Variants in PRKCH observed in about 807,000 individuals in gnomAD.
The protein encoded by PRKCH is protein kinase C eta type.
A neutral mutation model predicts 82.5 loss-of-function variants in PRKCH; 28 were observed. The ratio of observed to expected loss-of-function variants is 0.34; its 90% CI spans 0.25 to 0.47. The LOEUF is 0.47. PRKCH is among the 20% of genes least tolerant of loss of function. The probability of loss-of-function intolerance (pLI) is 1.00; values close to 1 mark genes in which losing one functional copy is unlikely to be tolerated. For synonymous variants in PRKCH, 322 were observed against 327.4 expected (o/e 0.98, Z 0.18); for missense variants, 705 against 881.8 (o/e 0.80, Z 2.54).
intron 12 of PRKCH, among the ~76,000 whole-genome samples, chr14:61,535,063 T>C (rs557548768): frequency 6.6e-6 from 1 of 152,324 alleles, no homozygotes; most frequent in East Asian, 1.9e-4. Flanking sequence ...AATTGTATTT[T>C]TGTTTTTCCA....
intron 9 of PRKCH, among the ~76,000 whole-genome samples, chr14:61,471,903 G>C (rs1239129782): frequency 6.6e-6 from 1 of 152,126 alleles, no homozygotes; most frequent in Non-Finnish European, 1.5e-5. Flanking sequence ...AGTCAAATGG[G>C]TTAGACGATC....
intron 10 of PRKCH, among the ~76,000 whole-genome samples, chr14:61,506,395 T>C (rs1303504920): frequency 1.3e-5 from 2 of 152,064 alleles, no homozygotes; most frequent in African/African-American, 4.8e-5. Flanking sequence ...CAGCTCTGAT[T>C]GAAGTCAGGG....
chr14:61,310,105 G>A (rs966569406), intron 1 of PRKCH, among the ~76,000 whole-genome samples: 2 of 152,086 alleles, frequency 1.3e-5, no homozygotes, highest in African/African-American at 2.4e-5. Flanking sequence ...GATGAGATTC[G>A]GGTGGGGCAC....
chr14:61,416,919 G>T (rs1882590427), intron 2 of PRKCH, among the ~76,000 whole-genome samples: 1 of 152,200 alleles, frequency 6.6e-6, no homozygotes, highest in Non-Finnish European at 1.5e-5. Flanking sequence ...CTTATGGGAG[G>T]AGGCTCTCAG....
intron 2 of PRKCH, among the ~76,000 whole-genome samples, chr14:61,435,500 C>G (rs923592885): frequency 2.6e-5 from 4 of 151,960 alleles, no homozygotes; most frequent in Non-Finnish European, 5.9e-5. Flanking sequence ...CTTGGGGATA[C>G]CTTGAAGAGA....
At chr14:61,268,886 G>A (rs1390115327) in intron 1 of PRKCH, among the ~76,000 whole-genome samples, 3 of 152,186 alleles carry the variant, frequency 2.0e-5, no homozygotes, top group Middle Eastern at 3.2e-3. Flanking sequence ...ACTATTGTAA[G>A]TGTATCAGTC....
chr14:61,425,867 C>A (rs1883077681), intron 2 of PRKCH, among the ~76,000 whole-genome samples: 1 of 152,142 alleles, frequency 6.6e-6, no homozygotes, highest in Non-Finnish European at 1.5e-5. Flanking sequence ...TTCGTCCATG[C>A]TGTTCTTGTG....
At chr14:61,505,504 TA>T (rs1169833345) in intron 10 of PRKCH, among the ~76,000 whole-genome samples, 3 of 139,962 alleles carry the variant, frequency 2.1e-5, no homozygotes, top group Non-Finnish European at 4.5e-5. Context: ...GCCTCCTGAG[TA>T]GCTGGGATTA....
chr14:61,549,944 C>A lies in PRKCH; in HGVS notation c.*113C>A, dbSNP rs570053967. 2.7e-5 allele frequency: 32 copies of A among 1,177,712 alleles called. 1 individual carries two copies. The South Asian group carries it at 4.3e-4, about 16-fold the overall frequency. The allele number at this position is 1,177,712 out of a possible 1,614,324, so 73.0% of individuals were successfully genotyped here. On this transcript the variant is annotated 3_prime_UTR_variant, in exon 14 of 14. Coordinates refer to ENST00000332981, the MANE Select transcript of PRKCH (RefSeq NM_006255.5). ...AGCCTTAGAACAAGAACCTTACCTT[C>A]AAGGAGCAAGTGAAGAACTCTGTGA...
chr14:61,439,335 A>C (rs1041100068), intron 2 of PRKCH, among the ~76,000 whole-genome samples: 1 of 152,112 alleles, frequency 6.6e-6, no homozygotes, highest in Non-Finnish European at 1.5e-5. Context: ...TCATGGCAGC[A>C]GTCTAGAACA....
At position 61,482,840 on chromosome 14, in the gene PRKCH, A is replaced by G. The variant is rs1016059179; in HGVS notation, c.1279-2662A>G. On this transcript the variant is annotated intron_variant, in intron 9 of 13. Coordinates refer to ENST00000332981, the MANE Select transcript of PRKCH (RefSeq NM_006255.5). ...GGCTAAAGCAAGACTAGAGGGCAGG[A>G]TTTTCTCCCCCCAGATCTGGAATTT... Among the ~76,000 whole-genome samples, 4 of 152,046 alleles carry G rather than the reference A, an allele frequency of 2.6e-5. No homozygotes were observed. In the East Asian group the frequency reaches 7.7e-4, roughly 29 times the overall value.
chr14:61,320,769 G>T (rs1025191822), upstream of PRKCH, among the ~76,000 whole-genome samples: 1 of 152,222 alleles, frequency 6.6e-6, no homozygotes, highest in Admixed American at 6.5e-5. Flanking sequence ...TCAGAAGGCT[G>T]CCCACTCTGA....
chr14:61,333,224 G>A (rs549635816), intron 1 of PRKCH, among the ~76,000 whole-genome samples: 4 of 152,228 alleles, frequency 2.6e-5, no homozygotes, highest in Non-Finnish European at 5.9e-5. Flanking sequence ...AACTGTTGTC[G>A]AGCCCTAGAC....
chr14:61,436,760 G>A (rs373757907), intron 2 of PRKCH, among the ~76,000 whole-genome samples: 2 of 152,192 alleles, frequency 1.3e-5, no homozygotes, highest in Admixed American at 6.5e-5. Context: ...TTGAACTCCT[G>A]ACCTCAGGTC....
At chr14:61,252,249 C>T (rs2140073748) in intron 1 of PRKCH, among the ~76,000 whole-genome samples, 1 of 152,298 alleles carries the variant, frequency 6.6e-6, no homozygotes, top group Non-Finnish European at 1.5e-5. Context: ...CAGAACTTGG[C>T]CGTGGGGCAG....
intron 12 of PRKCH, among the ~76,000 whole-genome samples, chr14:61,535,643 T>C (rs2043098473): frequency 6.6e-6 from 1 of 152,058 alleles, no homozygotes; most frequent in South Asian, 2.1e-4. Context: ...CGCGAAGGAG[T>C]CTACACTTTA....
At chr14:61,286,574 C>G (rs993595506) in intron 1 of PRKCH, among the ~76,000 whole-genome samples, 9 of 146,094 alleles carry the variant, frequency 6.2e-5, no homozygotes, top group African/African-American at 2.3e-4. Flanking sequence ...GTCGGGAGTT[C>G]GAGATCAGTC....
intron 4 of PRKCH, among the ~76,000 whole-genome samples, chr14:61,447,937 T>C (rs1018515446): frequency 6.6e-6 from 1 of 151,830 alleles, no homozygotes; most frequent in African/African-American, 2.4e-5. Flanking sequence ...AAAGAAATAA[T>C]ACAATTAGAA....
chr14:61,530,699 T>G, intron 12 of PRKCH, 104 bp downstream of exon 12: 6 of 1,070,904 alleles, frequency 5.6e-6, no homozygotes, highest in Non-Finnish European at 6.5e-6. Flanking sequence ...CCACTAGCTC[T>G]AACTAAAATT....
Sources: allele counts gnomAD v4.1 joint callset (sites outside exome capture counted in the v4.1 genomes callset), GRCh38; gene constraint gnomAD v4.1.1; transcripts MANE v1.5; gene names NCBI Gene and HGNC (gene_info 2026-07-23, HGNC 2026-07-21).